The following EBF4 variants were observed in gnomAD, a reference collection of about 807,000 sequenced individuals.
EBF4 encodes EBF transcription factor 4.
A neutral mutation model predicts 67.1 loss-of-function variants in EBF4; 34 were observed. The ratio of observed to expected loss-of-function variants is 0.51; its 90% CI spans 0.39 to 0.67. The LOEUF (loss-of-function observed/expected upper bound fraction) is 0.67, where lower values mean the gene tolerates loss of function less well. Ranked by LOEUF, EBF4 falls within the 30% of genes least tolerant of loss-of-function variation. The pLI is 0.00. For synonymous variants in EBF4, 387 were observed against 377.7 expected (o/e 1.02, Z -0.29); for missense variants, 837 against 873.3 (o/e 0.96, Z 0.52).
rs909579440 is a variant in EBF4, at chr20:2,756,488, T to G, written c.1738+664T>G. Among the ~76,000 whole-genome samples the G allele has an allele frequency of 3.9e-5, 6 of 152,174 alleles. No individual in the cohort carries two copies. The highest frequency in any genetic ancestry group is 8.8e-5 in the Non-Finnish European group (6 of 68,018). Reference sequence around the variant, plus strand: ...TGGAAAAGGAGGAGGCAACAGGATGTGGGTGGGGCAGAACAGGTCCTTGTT... The same window carrying G: ...TGGAAAAGGAGGAGGCAACAGGATGGGGGTGGGGCAGAACAGGTCCTTGTT... On this transcript the variant is annotated intron_variant, in intron 15 of 16. Transcript: ENST00000609451. The surrounding 1 kb of genome is among the most constrained non-coding windows in gnomAD (Gnocchi z 4.5).
intron 9 of EBF4, 30 bp downstream of exon 9, chr20:2,749,783 G>T: frequency 6.5e-7 from 1 of 1,541,426 alleles, no homozygotes; most frequent in Non-Finnish European, 8.8e-7. Flanking sequence ...CTCCCTCTGG[G>T]CCTAGGGGCT....
chr20:2,751,998 T>C lies in EBF4; in HGVS notation c.1173+11T>C, dbSNP rs1268827120. ...CCCGGCAGTAACCAGGTATGGCGCCTCCGCCCTCCCAGCGCCGCCGGGACC... is the reference window on the plus strand; with the variant it reads ...CCCGGCAGTAACCAGGTATGGCGCCCCCGCCCTCCCAGCGCCGCCGGGACC... On this transcript the variant is annotated intron_variant, in intron 12 of 16. Transcript: ENST00000609451. The surrounding 1 kb of genome is among the most constrained non-coding windows in gnomAD (Gnocchi z 5.2). 2 of 1,539,738 alleles carry C rather than the reference T, an allele frequency of 1.3e-6. No homozygotes were observed. The highest frequency in any genetic ancestry group is 2.5e-5 in the East Asian group (1 of 40,090).
At chr20:2,752,406 C>G in exon 14 of EBF4, 2 of 1,285,746 alleles carry the variant, frequency 1.6e-6, no homozygotes. Flanking sequence ...TCGCGCCCAG[C>G]CCCGGCTCGC....
Position 2,755,434 on chromosome 20 carries a change from A to G in EBF4, c.1541-193A>G, listed in dbSNP as rs2146519107. On this transcript the variant is annotated intron_variant, in intron 14 of 16. Transcript: ENST00000609451. This position sits in a 1 kb window ranked among gnomAD's most constrained non-coding sequence, Gnocchi z 4.7. ...GGCCCTGTCATCCCCAGCCCCGAGA[A>G]AAGGTCTCCAGAACCGCTGAGAGGT... 1 of 574,714 alleles carries G rather than the reference A, an allele frequency of 1.7e-6. No homozygotes were observed. The highest frequency in any genetic ancestry group is 2.9e-5 in the East Asian group (1 of 34,154). 35.6% of individuals were successfully genotyped at this position (574,714 alleles called of 1,614,324 possible). A position where few individuals can be genotyped will look rare whatever the true frequency, so the allele number is the denominator to read the frequency against.
At chr20:2,757,601 GAAGGTA>G (rs1325561389) in intron 15 of EBF4, among the ~76,000 whole-genome samples, 1 of 152,230 alleles carries the variant, frequency 6.6e-6, no homozygotes, top group East Asian at 1.9e-4. Flanking sequence ...ACCTTAGGCT[GAAGGTA>G]TGTGGGTGGG....
intron 1 of EBF4, among the ~76,000 whole-genome samples, chr20:2,701,226 G>T (rs1193518869): frequency 1.3e-5 from 2 of 152,226 alleles, no homozygotes; most frequent in Non-Finnish European, 2.9e-5. Context: ...GCAGGATGCC[G>T]CTCTGGGCTG....
Position 2,696,037 on chromosome 20 carries a change from C to T in EBF4, c.137+2255C>T, listed in dbSNP as rs1449243763. 2.6e-5 allele frequency among the ~76,000 whole-genome samples: 4 copies of T among 152,248 alleles called. No homozygotes were observed. Among genetic ancestry groups the T allele is most frequent in the Admixed American group, 2.6e-4 (4 of 15,280 alleles). ...CTCCCTGGCTTGAAGGTTAACTGCACCCTGGTTACCACCTCAGCCTCCTGG... is the reference window on the plus strand; with the variant it reads ...CTCCCTGGCTTGAAGGTTAACTGCATCCTGGTTACCACCTCAGCCTCCTGG... On this transcript the variant is annotated intron_variant, in intron 1 of 16. Coordinates refer to ENST00000609451, the Ensembl canonical transcript of EBF4. This position sits in a 1 kb window ranked among gnomAD's most constrained non-coding sequence, Gnocchi z 4.7.
At chr20:2,722,839 C>T (rs892629470) in intron 6 of EBF4, among the ~76,000 whole-genome samples, 1 of 152,164 alleles carries the variant, frequency 6.6e-6, no homozygotes, top group South Asian at 2.1e-4. Context: ...TTGGCTAGAG[C>T]AGAAGTGTGT....
rs1490527549 is a variant in EBF4 at position 2,752,541 on chromosome 20, C to G, written c.1536C>G (p.Phe512Leu). 3.2e-6 allele frequency: 4 copies of G among 1,247,230 alleles called. No individual in the cohort carries two copies. The African/African-American group carries it at 6.2e-5, about 19-fold the overall frequency. 77.3% of individuals were successfully genotyped at this position (1,247,230 alleles called of 1,614,324 possible). ...ATGGCTCCACCGCCACCTCGCCCTT[C>G]GCCAGTGAGTGTCCCCCGCCCGCGA... The change falls in exon 14 of 17, where the codon TTC (phenylalanine) becomes TTG (leucine). Residue 512 changes from phenylalanine (F) to leucine (L), a missense_variant. By Grantham distance (22) the Phe-to-Leu change is conservative. Transcript: ENST00000609451.
Position 2,759,000 on chromosome 20 carries a change from G to T in EBF4, c.*5+16G>T, listed in dbSNP as rs1265161769. On this transcript the variant is annotated intron_variant, in intron 16 of 16. Coordinates refer to ENST00000609451, the Ensembl canonical transcript of EBF4. Reference sequence around the variant, plus strand: ...CCTAATTACGGTAGGTCTCTGGCTGGGTCTGGCCTCCCCCGCCCCACCTGG... The same window carrying T: ...CCTAATTACGGTAGGTCTCTGGCTGTGTCTGGCCTCCCCCGCCCCACCTGG... 1 of 1,551,078 alleles carries T rather than the reference G, an allele frequency of 6.4e-7. No individual in the cohort carries two copies.
intron 5 of EBF4, among the ~76,000 whole-genome samples, chr20:2,709,103 C>T (rs1269309080): frequency 6.6e-6 from 1 of 152,126 alleles, no homozygotes; most frequent in Non-Finnish European, 1.5e-5. Flanking sequence ...ACAAGAATTG[C>T]CTGAACTCAG....
At chr20:2,750,516 A>G (rs1428852220) in intron 10 of EBF4, among the ~76,000 whole-genome samples, 2 of 151,742 alleles carry the variant, frequency 1.3e-5, no homozygotes, top group East Asian at 2.0e-4. Flanking sequence ...GCCTGGCTCT[A>G]TTTGGCCGCT....
intron 1 of EBF4, among the ~76,000 whole-genome samples, chr20:2,704,230 G>A (rs904559268): frequency 6.6e-6 from 1 of 152,004 alleles, no homozygotes; most frequent in Non-Finnish European, 1.5e-5. Context: ...TTGTAGGCTG[G>A]CTTCCACACA....
At chr20:2,702,346 T>C (rs2087388437) in intron 1 of EBF4, among the ~76,000 whole-genome samples, 1 of 151,858 alleles carries the variant, frequency 6.6e-6, no homozygotes, top group African/African-American at 2.4e-5. Context: ...GAGGATCACG[T>C]GAGCCTAGGA....
At position 2,693,687 on chromosome 20, in the gene EBF4, C is replaced by T; in HGVS notation, c.42C>T (p.Asn14=). Reference sequence around the variant, plus strand: ...ACGCTCTGCCCCGCAGCGGGCTGAACCTGAAGGAGGAGCCGCTGCTGCCCG... The same window carrying T: ...ACGCTCTGCCCCGCAGCGGGCTGAATCTGAAGGAGGAGCCGCTGCTGCCCG... Residue 14 remains asparagine, a synonymous_variant, in exon 1 of 17, where the codon AAC becomes AAT. Transcript: ENST00000609451. This position sits in a 1 kb window ranked among gnomAD's most constrained non-coding sequence, Gnocchi z 4.6. 3 of 1,438,080 alleles carry T rather than the reference C, an allele frequency of 2.1e-6. No homozygotes were observed. Among genetic ancestry groups the T allele is most frequent in the Admixed American group, 2.8e-5 (1 of 35,734 alleles). 89.1% of individuals were successfully genotyped at this position (1,438,080 alleles called of 1,614,324 possible).
Position 2,755,984 on chromosome 20 carries a change from G to A in EBF4, c.1738+160G>A, listed in dbSNP as rs1201260332. ...GCAGGGAGCTCTGCTGGGGTCCAGG[G>A]AGGTCCCTCTGGCCCCCTCTGCCCT... On this transcript the variant is annotated intron_variant, in intron 15 of 16. Transcript: ENST00000609451. This position sits in a 1 kb window ranked among gnomAD's most constrained non-coding sequence, Gnocchi z 4.7. Among the ~76,000 whole-genome samples, 1 of 152,198 alleles carries A rather than the reference G, an allele frequency of 6.6e-6. No homozygotes were observed. Among genetic ancestry groups the A allele is most frequent in the Non-Finnish European group, 1.5e-5 (1 of 68,026 alleles).
intron 14 of EBF4, chr20:2,754,980 A>ACCCCGC (rs1407127501): frequency 8.2e-5 from 8 of 97,336 alleles, no homozygotes; most frequent in Non-Finnish European, 1.3e-4. Context: ...ACCCCCCCCC[A>ACCCCGC]CAGGGCCCAG....
At position 2,744,487 on chromosome 20, in the gene EBF4, C is replaced by CTTTTTTTTTTTTTTTTTTTTTT. The variant is rs778840182; in HGVS notation, c.558-4058_558-4057insTTTTTTTTTTTTTTTTTTTTTT. ...TTTTTCTTTTCTTTTTTCTTTTTTT[C>CTTTTTTTTTTTTTTTTTTTTTT]TTTTCTTTTTTTTTTTTTTTTTGAG... is the stretch of plus-strand genomic sequence containing the variant. On this transcript the variant is annotated intron_variant, in intron 6 of 16. Transcript: ENST00000609451. Among the ~76,000 whole-genome samples, 81 of 111,440 alleles carry CTTTTTTTTTTTTTTTTTTTTTT rather than the reference C, an allele frequency of 7.3e-4. 1 individual carries two copies. Among genetic ancestry groups the CTTTTTTTTTTTTTTTTTTTTTT allele is most frequent in the Non-Finnish European group, 8.7e-4 (51 of 58,406 alleles). The allele number at this position is 111,440 out of a possible 152,430, so 73.1% of individuals were successfully genotyped here.
intron 1 of EBF4, among the ~76,000 whole-genome samples, chr20:2,694,731 A>G (rs2087263699): frequency 6.6e-6 from 1 of 152,104 alleles, no homozygotes; most frequent in Non-Finnish European, 1.5e-5. Context: ...CTTAATGCAG[A>G]CCGGGCCTGA....
Sources: gnomAD v4.1 joint callset for allele counts (sites outside exome capture counted in the v4.1 genomes callset) on GRCh38, gnomAD v4.1.1 for gene constraint, Gnocchi (gnomAD v3.1) non-coding constraint, MANE v1.5 for transcripts, NCBI Gene and HGNC (gene_info 2026-07-23, HGNC 2026-07-21) for gene names.